Variants in ITGA9 observed in about 807,000 individuals in gnomAD.
The protein encoded by ITGA9 is integrin alpha-9.
In ITGA9, 56 loss-of-function variants were observed where a neutral mutation model predicts 127.8. The ratio of observed to expected loss-of-function variants is 0.44; its 90% CI spans 0.35 to 0.55. The LOEUF is 0.55. Ranked by LOEUF, ITGA9 falls within the 20% of genes least tolerant of loss-of-function variation. The pLI is 0.00. For synonymous variants in ITGA9, 508 were observed against 514.5 expected (o/e 0.99, Z 0.17); for missense variants, 1,196 against 1,347.1 (o/e 0.89, Z 1.76).
chr3:37,570,730 A>G (rs911666870), intron 15 of ITGA9, among the ~76,000 whole-genome samples: 4 of 152,248 alleles, frequency 2.6e-5, no homozygotes, highest in Admixed American at 6.5e-5. Flanking sequence ...AAGGGAAATA[A>G]TAATGGGATA....
In ITGA9 at chr3:37,750,527, C is replaced by G. The variant is rs145492361; in HGVS notation, c.2499C>G (p.Leu833=). The change falls in exon 23 of 28, where the codon CTC becomes CTG. Residue 833 remains leucine, a synonymous_variant. Transcript: ENST00000264741. ...TCAGCATCTCTTTCCCTAATCGACT[C>G]TCATCTGGTGGTGCAGAGATGTTTC... The part of the protein sequence containing the change: ...SSVSISFPNR[L]SSGGAEMFHV... 4.0e-5 allele frequency: 65 copies of G among 1,613,774 alleles called. No individual in the cohort carries two copies. The highest frequency in any genetic ancestry group is 5.3e-5 in the Non-Finnish European group (63 of 1,179,740).
chr3:37,721,573 A>G (rs982318088), intron 18 of ITGA9, among the ~76,000 whole-genome samples: 5 of 152,128 alleles, frequency 3.3e-5, no homozygotes, highest in East Asian at 1.9e-4. Flanking sequence ...TGGCTTCCAC[A>G]TGGATGTTTT....
At chr3:37,553,723 C>A (rs1699400848) in intron 15 of ITGA9, among the ~76,000 whole-genome samples, 1 of 152,200 alleles carries the variant, frequency 6.6e-6, no homozygotes, top group South Asian at 2.1e-4. Flanking sequence ...AGGGGAGTTT[C>A]AACTCTGGGG....
chr3:37,747,707 C>CT (rs1462581211), intron 22 of ITGA9, among the ~76,000 whole-genome samples: 1 of 130,532 alleles, frequency 7.7e-6, no homozygotes, highest in East Asian at 2.0e-4. Flanking sequence ...TATTTCTTTC[C>CT]TTTTTTTTCT....
intron 16 of ITGA9, among the ~76,000 whole-genome samples, chr3:37,642,576 C>T (rs561530805): frequency 3.9e-5 from 6 of 152,322 alleles, no homozygotes; most frequent in South Asian, 2.1e-4. Context: ...GAATTCCCCA[C>T]GGGCAAGAGA....
In ITGA9 at chr3:37,652,229, G is replaced by C. The variant is rs575865462; in HGVS notation, c.1840-1485G>C. Among the ~76,000 whole-genome samples, 126 of 152,196 alleles carry C rather than the reference G, an allele frequency of 8.3e-4. 1 individual carries two copies. Among genetic ancestry groups the C allele is most frequent in the Non-Finnish European group, 1.2e-3 (83 of 68,008 alleles). On this transcript the variant is annotated intron_variant, in intron 16 of 27. Transcript: ENST00000264741. ...AAGCTGAAGTTTCACTAGTGTGGTG[G>C]GGAAGCTCCCTTTGGCACCTTCCCT...
chr3:37,464,083 A>G (rs1439187723), intron 1 of ITGA9, among the ~76,000 whole-genome samples: 3 of 151,374 alleles, frequency 2.0e-5, no homozygotes, highest in African/African-American at 7.3e-5. Flanking sequence ...TTGGATAGAG[A>G]GTTGCTAGGT....
chr3:37,619,900 C>A (rs181475517), intron 15 of ITGA9, among the ~76,000 whole-genome samples: 1 of 151,546 alleles, frequency 6.6e-6, no homozygotes, highest in African/African-American at 2.4e-5. Context: ...CTCAGCCTTC[C>A]AGTCTCTTAG....
At chr3:37,756,621 A>G (rs1696655459) in intron 23 of ITGA9, among the ~76,000 whole-genome samples, 1 of 152,218 alleles carries the variant, frequency 6.6e-6, no homozygotes, top group South Asian at 2.1e-4. Context: ...AAAATGAACT[A>G]GTAGTAGTAC....
chr3:37,757,278 C>T (rs185876290), intron 23 of ITGA9, among the ~76,000 whole-genome samples: 36 of 151,862 alleles, frequency 2.4e-4, no homozygotes, highest in African/African-American at 8.3e-4. Context: ...CAAGCTTCAA[C>T]AAGAAATAAA....
intron 15 of ITGA9, among the ~76,000 whole-genome samples, chr3:37,627,517 A>C (rs1332938790): frequency 1.3e-5 from 2 of 152,188 alleles, no homozygotes; most frequent in African/African-American, 4.8e-5. Flanking sequence ...TAGGACTACC[A>C]CCGCTTACTT....
intron 17 of ITGA9, among the ~76,000 whole-genome samples, chr3:37,662,689 C>T (rs1177877119): frequency 6.6e-6 from 1 of 152,178 alleles, no homozygotes; most frequent in African/African-American, 2.4e-5. Flanking sequence ...CCCAGGGCTT[C>T]ACAAGGGCAA....
intron 11 of ITGA9, among the ~76,000 whole-genome samples, chr3:37,521,229 T>C (rs769775417): frequency 2.0e-5 from 3 of 152,226 alleles, no homozygotes; most frequent in Non-Finnish European, 4.4e-5. Context: ...TGGCAGATTC[T>C]TGCAGGCCCA....
chr3:37,814,517 A>G lies in ITGA9; in HGVS notation c.3010-4374A>G, dbSNP rs1050273774. The stretch of plus-strand genomic sequence containing the variant: ...GAGGTGGAGGTTGCAGTGAGCCAAG[A>G]TCGTGCCACTGCACTCCAGCCTGGC... On this transcript the variant is annotated intron_variant, in intron 27 of 27. Coordinates refer to ENST00000264741, the MANE Select transcript of ITGA9 (RefSeq NM_002207.3). The surrounding 1 kb of genome is among the most constrained non-coding windows in gnomAD (Gnocchi z 4.3). Among the ~76,000 whole-genome samples the G allele has an allele frequency of 5.3e-5, 8 of 152,188 alleles. No homozygotes were observed. Among genetic ancestry groups the G allele is most frequent in the African/African-American group, 1.9e-4 (8 of 41,436 alleles).
intron 3 of ITGA9, among the ~76,000 whole-genome samples, chr3:37,474,124 G>T: frequency 6.6e-6 from 1 of 151,748 alleles, no homozygotes; most frequent in Admixed American, 6.6e-5. Context: ...GTTATTTATC[G>T]GACCTCCAAA....
chr3:37,453,328 A>T (rs1698221688), intron 1 of ITGA9, among the ~76,000 whole-genome samples: 1 of 152,184 alleles, frequency 6.6e-6, no homozygotes, highest in South Asian at 2.1e-4. Flanking sequence ...ACGTGTTTCT[A>T]TAGTGGCCAA....
intron 18 of ITGA9, among the ~76,000 whole-genome samples, chr3:37,707,001 G>A (rs1701012806): frequency 6.6e-6 from 1 of 152,154 alleles, no homozygotes; most frequent in South Asian, 2.1e-4. Flanking sequence ...TCTGATCACT[G>A]TTCTTGACAC....
At chr3:37,714,627 A>C (rs147280893) in intron 18 of ITGA9, among the ~76,000 whole-genome samples, 83 of 152,300 alleles carry the variant, frequency 5.4e-4, no homozygotes, top group African/African-American at 1.8e-3. Context: ...TAGAATCTAC[A>C]TCAGTGCCAC....
chr3:37,482,767 C>G (rs1301559764), intron 4 of ITGA9, among the ~76,000 whole-genome samples: 1 of 152,234 alleles, frequency 6.6e-6, no homozygotes, highest in Non-Finnish European at 1.5e-5. Flanking sequence ...CACAAACCCT[C>G]TCCCCTATAG....
Sources: gnomAD v4.1 joint callset for allele counts (sites outside exome capture counted in the v4.1 genomes callset) on GRCh38, gnomAD v4.1.1 for gene constraint, Gnocchi (gnomAD v3.1) non-coding constraint, MANE v1.5 for transcripts, NCBI Gene and HGNC (gene_info 2026-07-23, HGNC 2026-07-21) for gene names.